Variants in USP33 observed in about 807,000 individuals in gnomAD.
The protein encoded by USP33 is ubiquitin carboxyl-terminal hydrolase 33.
Under a neutral mutation model 124.2 loss-of-function variants are expected in USP33, and 46 were observed. That is an observed-to-expected ratio of 0.37 (90% CI 0.29 to 0.47). USP33 has a LOEUF of 0.47. Ranked by LOEUF, USP33 falls within the 20% of genes least tolerant of loss-of-function variation. USP33 has a pLI of 0.99. For missense variants in USP33, 851 were observed against 1,070.6 expected (o/e 0.79, Z 2.86); for synonymous variants, 350 against 352.3 (o/e 0.99, Z 0.07).
intron 21 of USP33, among the ~76,000 whole-genome samples, chr1:77,708,403 A>G (rs982542977): frequency 6.6e-6 from 1 of 152,198 alleles, no homozygotes; most frequent in Non-Finnish European, 1.5e-5. Context: ...GCATCTTCCA[A>G]AGAATCCAAT....
At chr1:77,714,966 T>A in intron 18 of USP33, 183 bp from the exon 19 acceptor site, 1 of 579,278 alleles carries the variant, frequency 1.7e-6, no homozygotes, top group Non-Finnish European at 2.9e-6. Flanking sequence ...GGGATGAAAC[T>A]GTATCTTACC....
At chr1:77,725,913 A>G (rs748065470) in intron 10 of USP33, 151 bp from the exon 11 acceptor site, 11 of 795,598 alleles carry the variant, frequency 1.4e-5, no homozygotes, top group Admixed American at 1.0e-4. Context: ...ACTAAGCAAA[A>G]TAACAGTAAT....
At chr1:77,713,391 T>C (rs1049337625) in intron 19 of USP33, 110 bp from the exon 20 acceptor site, 5 of 899,508 alleles carry the variant, frequency 5.6e-6, no homozygotes, top group Middle Eastern at 3.6e-4. Context: ...ATCATCATTG[T>C]TTTTTTAAGT....
chr1:77,720,167 A>AG (rs1676413972), intron 15 of USP33: 1 of 118,592 alleles, frequency 8.4e-6, no homozygotes, highest in Admixed American at 1.1e-4. Context: ...TCTCAAATGA[A>AG]AAAAAAAAAA....
At chr1:77,753,382 G>A (rs1452347631) in intron 1 of USP33, among the ~76,000 whole-genome samples, 1 of 151,696 alleles carries the variant, frequency 6.6e-6, no homozygotes, top group Non-Finnish European at 1.5e-5. Context: ...GAGGCCAAGA[G>A]TTCAAGACCA....
intron 7 of USP33, among the ~76,000 whole-genome samples, chr1:77,731,202 G>T (rs1393463324): frequency 6.6e-6 from 1 of 151,974 alleles, no homozygotes; most frequent in Non-Finnish European, 1.5e-5. Flanking sequence ...TCCAATGATG[G>T]TCAAATTTAT....
intron 21 of USP33, among the ~76,000 whole-genome samples, chr1:77,709,383 T>C (rs1570743590): frequency 6.6e-6 from 1 of 152,058 alleles, no homozygotes; most frequent in East Asian, 1.9e-4. Flanking sequence ...CACATGGTGG[T>C]GTGCATCTGT....
At position 77,696,178 on chromosome 1, in the gene USP33, T is replaced by C. The variant is rs1673428659; in HGVS notation, c.*1139A>G. 6.6e-6 allele frequency: 1 copy of C among 152,254 alleles called. No individual in the cohort carries two copies. Among genetic ancestry groups the C allele is most frequent in the Non-Finnish European group, 1.5e-5 (1 of 68,040 alleles). The allele number at this position is 152,254 out of a possible 1,614,324, so 9.4% of individuals were successfully genotyped here. A position where few individuals can be genotyped will look rare whatever the true frequency, so the allele number is the denominator to read the frequency against. On this transcript the variant is annotated 3_prime_UTR_variant, in exon 24 of 24. Transcript: ENST00000370794. ...TAATCAAGCAAATAGCAGTGCATAC[T>C]ATATTATTCAAAAAGACTTTATCTA... is the stretch of plus-strand genomic sequence containing the variant.
rs1411096461 is a variant in USP33, at chr1:77,715,938, A to G, written c.1919-70T>C. The G allele has an allele frequency of 6.7e-6, 10 of 1,490,888 alleles. No homozygotes were observed. The East Asian group carries it at 1.6e-4, about 25-fold the overall frequency. The allele number at this position is 1,490,888 out of a possible 1,614,324, so 92.4% of individuals were successfully genotyped here. A position where few individuals can be genotyped will look rare whatever the true frequency, so the allele number is the denominator to read the frequency against. ...CAGAAGAAAGGAGGATAAACTTTTT[A>G]TATTTCCAGTGCCTAGCACAGTAGC... On this transcript the variant is annotated intron_variant, in intron 17 of 23. Transcript: ENST00000370794.
At chr1:77,725,211 C>A (rs1309713934) in intron 11 of USP33, among the ~76,000 whole-genome samples, 1 of 152,038 alleles carries the variant, frequency 6.6e-6, no homozygotes, top group Non-Finnish European at 1.5e-5. Flanking sequence ...TATATGATTT[C>A]ATTTATATGA....
intron 1 of USP33, among the ~76,000 whole-genome samples, chr1:77,751,480 C>T (rs1217700749): frequency 1.3e-5 from 2 of 151,986 alleles, no homozygotes; most frequent in African/African-American, 4.8e-5. Context: ...CGGCAATACC[C>T]TGTCTCTACC....
chr1:77,697,287 T>A lies in USP33; in HGVS notation c.*30A>T. ...ACATGTCAGGGCACATGAAAATGAT[T>A]CCTCATTAGAACTCTCTACATCCTA... On this transcript the variant is annotated 3_prime_UTR_variant, in exon 24 of 24. Coordinates refer to ENST00000370794, the MANE Select transcript of USP33 (RefSeq NM_201624.3). 6.4e-7 allele frequency: 1 copy of A among 1,551,210 alleles called. No individual in the cohort carries two copies. The highest frequency in any genetic ancestry group is 1.4e-5 in the African/African-American group (1 of 72,448).
At chr1:77,737,150 A>G (rs953036590) in intron 5 of USP33, among the ~76,000 whole-genome samples, 5 of 152,214 alleles carry the variant, frequency 3.3e-5, no homozygotes, top group Non-Finnish European at 1.5e-5. Context: ...TTGAACTACA[A>G]TGAACCAACA....
intron 4 of USP33, among the ~76,000 whole-genome samples, chr1:77,740,016 A>G (rs1196326360): frequency 6.6e-6 from 1 of 152,236 alleles, no homozygotes; most frequent in African/African-American, 2.4e-5. Flanking sequence ...TTCAGGCTTA[A>G]TTAATTCTAT....
chr1:77,730,814 A>G, intron 7 of USP33, 83 bp from the exon 8 acceptor site: 1 of 860,134 alleles, frequency 1.2e-6, no homozygotes, highest in Non-Finnish European at 1.7e-6. Flanking sequence ...CTGACAACAC[A>G]TACATTCCTT....
At chr1:77,697,982 TTGC>T in intron 22 of USP33, 51 bp from the exon 23 acceptor site, 1 of 1,507,046 alleles carries the variant, frequency 6.6e-7, no homozygotes, top group African/African-American at 1.4e-5. Flanking sequence ...TAACAAAAAA[TTGC>T]ATAATTTTGT....
intron 22 of USP33, 44 bp from the exon 23 acceptor site, chr1:77,697,975 CAAAA>C: frequency 6.5e-7 from 1 of 1,528,912 alleles, no homozygotes; most frequent in African/African-American, 1.4e-5. Context: ...AGAAATGTAA[CAAAA>C]AATTGCATAA....
rs201951438 is a variant in USP33, at chr1:77,715,804, C to G, written c.1983G>C (p.Gln661His). The change falls in exon 18 of 24, where the codon CAG becomes CAC. Residue 661 changes from glutamine to histidine, a missense_variant. By Grantham distance (24) the Gln-to-His change is conservative. This residue lies in a region of USP33 where 281 missense variants were observed against 425.0 expected (regional missense o/e 0.66). Transcript: ENST00000370794. Reference protein sequence around the residue: ...LNNLWYEFDDQSVTEVSESTV... With the variant: ...LNNLWYEFDDHSVTEVSESTV... ...TAGATTCTGAAACTTCAGTGACACTCTGATCATCAAATTCATACCAGAGAT... is the reference window on the plus strand; with the variant it reads ...TAGATTCTGAAACTTCAGTGACACTGTGATCATCAAATTCATACCAGAGAT... 1.2e-6 allele frequency: 2 copies of G among 1,613,878 alleles called. No individual in the cohort carries two copies. Among genetic ancestry groups the G allele is most frequent in the Non-Finnish European group, 1.7e-6 (2 of 1,179,964 alleles).
chr1:77,711,226 A>G (rs1177917012), intron 21 of USP33, among the ~76,000 whole-genome samples: 2 of 152,064 alleles, frequency 1.3e-5, no homozygotes, highest in African/African-American at 2.4e-5. Context: ...TCAATCCATA[A>G]AAGCAAAAAC....
Sources: gnomAD v4.1 joint callset for allele counts (sites outside exome capture counted in the v4.1 genomes callset) on GRCh38, gnomAD v4.1.1 for gene constraint, gnomAD v4.1.1 regional missense constraint, MANE v1.5 for transcripts, NCBI Gene and HGNC (gene_info 2026-07-23, HGNC 2026-07-21) for gene names.